Variants in SNRPN observed in about 807,000 individuals in gnomAD.
SNRPN encodes small nuclear ribonucleoprotein-associated protein N.
SNRPN carries 7 observed loss-of-function variants against 25.2 expected under a neutral mutation model. That is an observed-to-expected ratio of 0.28 (90% CI 0.16 to 0.52). The LOEUF (loss-of-function observed/expected upper bound fraction) is 0.52, where lower values mean the gene tolerates loss of function less well. Ranked by LOEUF, SNRPN falls within the 20% of genes least tolerant of loss-of-function variation. The pLI, the probability that SNRPN is intolerant of heterozygous loss-of-function variation, is 0.96. For synonymous variants in SNRPN, 124 were observed against 110.6 expected, an observed-to-expected ratio of 1.12 and a Z score of -0.76; for missense variants, 196 against 322.5, an observed-to-expected ratio of 0.61 and a Z score of 3.00.
upstream of SNRPN, chr15:24,954,790 C>T (rs2062563701): frequency 5.3e-6 from 3 of 567,550 alleles, no homozygotes; most frequent in Non-Finnish European, 9.4e-6. Context: ...TTTCTAGAGG[C>T]CCCCTCTCAT....
intron 1 of SNRPN, among the ~76,000 whole-genome samples, chr15:24,870,453 A>G (rs774189294): frequency 1.3e-5 from 2 of 152,184 alleles, no homozygotes; most frequent in Admixed American, 6.5e-5. Context: ...GCACTACATG[A>G]ATATAATATA....
chr15:24,932,391 C>A (rs777125026), intron 3 of SNRPN, among the ~76,000 whole-genome samples: 1 of 152,076 alleles, frequency 6.6e-6, no homozygotes, highest in East Asian at 2.0e-4. Context: ...CTCGCCACCA[C>A]GACTGGCCAA....
intron 1 of SNRPN, among the ~76,000 whole-genome samples, chr15:24,961,226 A>C (rs2074753347): frequency 6.6e-6 from 1 of 152,216 alleles, no homozygotes; most frequent in Non-Finnish European, 1.5e-5. Flanking sequence ...CTTGATTAGA[A>C]CATTTAAACT....
intron 3 of SNRPN, among the ~76,000 whole-genome samples, chr15:24,949,183 G>A (rs1438231731): frequency 6.6e-6 from 1 of 151,626 alleles, no homozygotes; most frequent in East Asian, 1.9e-4. Context: ...CACCACACCC[G>A]GCTATTTTTT....
intron 2 of SNRPN, among the ~76,000 whole-genome samples, chr15:24,914,908 C>T (rs2152321895): frequency 6.6e-6 from 1 of 151,972 alleles, no homozygotes; most frequent in Non-Finnish European, 1.5e-5. Context: ...GACGTTATAA[C>T]CAAGAAGCAG....
At chr15:24,890,664 G>A (rs943517207) in intron 2 of SNRPN, among the ~76,000 whole-genome samples, 6 of 152,082 alleles carry the variant, frequency 3.9e-5, no homozygotes, top group African/African-American at 1.4e-4. Flanking sequence ...GGGCAACAGA[G>A]CGAGACTCTG....
At chr15:24,971,438 C>G (rs2076391002) in intron 3 of SNRPN, among the ~76,000 whole-genome samples, 1 of 152,160 alleles carries the variant, frequency 6.6e-6, no homozygotes, top group Non-Finnish European at 1.5e-5. Flanking sequence ...AATTCCAAAT[C>G]TGTCTCTTAA....
chr15:24,893,732 A>T (rs2150835211), intron 2 of SNRPN, among the ~76,000 whole-genome samples: 1 of 152,206 alleles, frequency 6.6e-6, no homozygotes, highest in African/African-American at 2.4e-5. Flanking sequence ...AGTGACTTGG[A>T]ACCAAAATCC....
intron 2 of SNRPN, among the ~76,000 whole-genome samples, chr15:24,915,735 TTCC>T (rs1303679646): frequency 1.3e-5 from 2 of 152,150 alleles, no homozygotes; most frequent in Non-Finnish European, 1.5e-5. Context: ...AAGTTATAAA[TTCC>T]TCGTCTTTTT....
chr15:24,840,262 A>G (rs12903138), intron 2 of SNRPN, among the ~76,000 whole-genome samples: 20,459 of 152,132 alleles, frequency 0.13, 1,588 homozygotes, highest in Non-Finnish European at 0.18. Flanking sequence ...GGAGGCTGAG[A>G]CAGGAGAATT....
At chr15:24,852,950 A>G (rs1704036057), upstream of SNRPN, among the ~76,000 whole-genome samples, 1 of 152,160 alleles carries the variant, frequency 6.6e-6, no homozygotes, top group Non-Finnish European at 1.5e-5. Context: ...AAAGAGAGAA[A>G]AGAAAAAATA....
chr15:24,871,799 G>C lies in SNRPN; in HGVS notation c.-578-14717G>C, dbSNP rs996367432. 2.5e-4 allele frequency among the ~76,000 whole-genome samples: 36 copies of C among 141,552 alleles called. 1 individual carries two copies. The highest frequency in any genetic ancestry group is 4.6e-5 in the Non-Finnish European group (3 of 64,690). The allele number at this position is 141,552 out of a possible 152,430, so 92.9% of individuals were successfully genotyped here. On this transcript the variant is annotated intron_variant, in intron 1 of 11. Coordinates refer to the SNRPN transcript ENST00000400097. ...GGCTCACTGCAAGCTCCGCCTCCCC[G>C]GTTCACACCATTCTCCTGCCTCAGC...
chr15:24,864,985 G>C (rs2054426536), intron 1 of SNRPN, among the ~76,000 whole-genome samples: 1 of 150,920 alleles, frequency 6.6e-6, no homozygotes, highest in East Asian at 1.9e-4. Context: ...CCTACAGCAT[G>C]TATACTGAAC....
chr15:24,905,274 GC>G (rs1292276940), intron 2 of SNRPN, among the ~76,000 whole-genome samples: 2 of 152,048 alleles, frequency 1.3e-5, no homozygotes, highest in African/African-American at 4.8e-5. Flanking sequence ...ACTTTGGGAG[GC>G]CGAGGTGGGG....
chr15:24,834,728 C>CCTCTCCCTCTCTCTCTCTCTCT lies in SNRPN; in HGVS notation c.-579+4828_-579+4829insCCTCTCTCTCTCTCTCTCTCTC, dbSNP rs1555376611. 4.0e-3 allele frequency among the ~76,000 whole-genome samples: 173 copies of CCTCTCCCTCTCTCTCTCTCTCT among 42,780 alleles called. 8 individuals are homozygous for CCTCTCCCTCTCTCTCTCTCTCT. The highest frequency in any genetic ancestry group is 0.012 in the East Asian group (13 of 1,066). The allele number at this position is 42,780 out of a possible 152,430, so 28.1% of individuals were successfully genotyped here. ...GAGTGAGACCTTGTCTCTCTCTCTC[C>CCTCTCCCTCTCTCTCTCTCTCT]CTCTCTCTCTCTCTCTCTCTCTCTA... On this transcript the variant is annotated intron_variant, in intron 2 of 12. Transcript: ENST00000400100.
intron 1 of SNRPN, among the ~76,000 whole-genome samples, chr15:24,825,480 A>G: frequency 6.6e-6 from 1 of 152,126 alleles, no homozygotes; most frequent in East Asian, 1.9e-4. Context: ...ATAAATGGAA[A>G]GCTCCATTGA....
At chr15:24,897,340 A>C (rs2058136462) in intron 2 of SNRPN, among the ~76,000 whole-genome samples, 1 of 152,148 alleles carries the variant, frequency 6.6e-6, no homozygotes. Flanking sequence ...TAATCCCAGC[A>C]TCTTGGGAAA....
chr15:24,885,486 T>A lies in SNRPN; in HGVS notation c.-578-1030T>A, dbSNP rs553836304. Among the ~76,000 whole-genome samples the A allele has an allele frequency of 3.3e-5, 5 of 152,300 alleles. No homozygotes were observed. The East Asian group carries it at 9.6e-4, about 29-fold the overall frequency. ...TTTTTCTACATAGACTTGGAAACAGTTTTATGTTTATAAAATATGTATCAC... is the reference window on the plus strand; with the variant it reads ...TTTTTCTACATAGACTTGGAAACAGATTTATGTTTATAAAATATGTATCAC... On this transcript the variant is annotated intron_variant, in intron 1 of 11. Transcript: ENST00000400097.
chr15:24,841,387 C>T (rs993009108), intron 2 of SNRPN, among the ~76,000 whole-genome samples: 1 of 152,020 alleles, frequency 6.6e-6, no homozygotes, highest in African/African-American at 2.4e-5. Context: ...TAAAAAGTTG[C>T]TCACAGGGCT....
Sources: allele counts gnomAD v4.1 joint callset (sites outside exome capture counted in the v4.1 genomes callset), GRCh38; gene constraint gnomAD v4.1.1; transcripts MANE v1.5; gene names NCBI Gene and HGNC (gene_info 2026-07-23, HGNC 2026-07-21).